ZNF385D: variants seen among roughly 807,000 people sequenced by gnomAD.
The protein encoded by ZNF385D is zinc finger protein 659.
A neutral mutation model predicts 35.8 loss-of-function variants in ZNF385D; 15 were observed. The observed-to-expected ratio is 0.42, with a 90% CI of 0.28 to 0.64. ZNF385D has a LOEUF of 0.64. ZNF385D is among the 30% of genes least tolerant of loss of function. The probability of loss-of-function intolerance (pLI) is 0.23; values close to 1 mark genes in which losing one functional copy is unlikely to be tolerated. For synonymous variants in ZNF385D, 212 were observed against 186.8 expected, an observed-to-expected ratio of 1.13 and a Z score of -1.10; for missense variants, 474 against 494.6, an observed-to-expected ratio of 0.96 and a Z score of 0.39.
chr3:21,458,514 C>G (rs1702968342), intron 4 of ZNF385D, among the ~76,000 whole-genome samples: 1 of 151,210 alleles, frequency 6.6e-6, no homozygotes, highest in Non-Finnish European at 1.5e-5. Context: ...AAGACCATGT[C>G]TCTAGAAGAA....
intron 2 of ZNF385D, among the ~76,000 whole-genome samples, chr3:21,612,450 T>C (rs764394606): frequency 3.3e-5 from 5 of 151,918 alleles, no homozygotes; most frequent in Non-Finnish European, 7.4e-5. Flanking sequence ...ATCAGGGAGG[T>C]CATATAATTT....
At chr3:22,337,526 T>G (rs1167640070) in intron 2 of ZNF385D, among the ~76,000 whole-genome samples, 2 of 152,094 alleles carry the variant, frequency 1.3e-5, no homozygotes, top group Admixed American at 6.6e-5. Flanking sequence ...AGAGTGAGAC[T>G]CCTTTTCAAA....
intron 3 of ZNF385D, among the ~76,000 whole-genome samples, chr3:22,144,308 T>C (rs1329890846): frequency 6.6e-6 from 1 of 152,098 alleles, no homozygotes; most frequent in Non-Finnish European, 1.5e-5. Flanking sequence ...GCATGGGAGC[T>C]CACACCTGTA....
At chr3:22,104,771 A>T (rs1345089867) in intron 3 of ZNF385D, among the ~76,000 whole-genome samples, 1 of 152,148 alleles carries the variant, frequency 6.6e-6, no homozygotes, top group Admixed American at 6.5e-5. Flanking sequence ...CCTAGTAAAT[A>T]TGAATCATAT....
intron 4 of ZNF385D, among the ~76,000 whole-genome samples, chr3:21,487,922 G>C (rs1293821467): frequency 6.6e-6 from 1 of 152,128 alleles, no homozygotes; most frequent in African/African-American, 2.4e-5. Context: ...CTACAAATGT[G>C]TAAGCTATTG....
chr3:22,142,579 C>T (rs1576392694), intron 3 of ZNF385D, among the ~76,000 whole-genome samples: 2 of 151,902 alleles, frequency 1.3e-5, no homozygotes, highest in African/African-American at 2.4e-5. Flanking sequence ...TCCTCCTCTA[C>T]GGTGGTCTCC....
chr3:21,889,257 A>G (rs1559726345), intron 3 of ZNF385D, among the ~76,000 whole-genome samples: 1 of 152,178 alleles, frequency 6.6e-6, no homozygotes, highest in Non-Finnish European at 1.5e-5. Flanking sequence ...CACACATGAG[A>G]AACACAGCAG....
chr3:22,069,858 A>G (rs1164746241), intron 3 of ZNF385D, among the ~76,000 whole-genome samples: 1 of 152,168 alleles, frequency 6.6e-6, no homozygotes, highest in Non-Finnish European at 1.5e-5. Flanking sequence ...GTAGGCAGGT[A>G]CCTTCCTTTG....
intron 2 of ZNF385D, among the ~76,000 whole-genome samples, chr3:21,623,221 A>G (rs76114133): frequency 0.011 from 1,627 of 152,294 alleles, 32 homozygotes; most frequent in African/African-American, 0.037. Context: ...GCACTTATGC[A>G]TGGTATCTAG....
At chr3:21,644,663 C>G (rs1274293484) in intron 2 of ZNF385D, among the ~76,000 whole-genome samples, 1 of 151,982 alleles carries the variant, frequency 6.6e-6, no homozygotes, top group Non-Finnish European at 1.5e-5. Context: ...AGACTGAACA[C>G]AATTAAAATT....
At position 22,077,899 on chromosome 3, in the gene ZNF385D, A is replaced by G. The variant is rs1261759380; in HGVS notation, c.325+90918T>C. Among the ~76,000 whole-genome samples the G allele has an allele frequency of 1.3e-5, 2 of 152,010 alleles. 1 individual carries two copies. Among genetic ancestry groups the G allele is most frequent in the African/African-American group, 4.8e-5 (2 of 41,430 alleles). Reference sequence around the variant, plus strand: ...CCCACTCCACTTGTAGAAAATGCTCAATCACTCCATGTCTGATACCTGAAA... The same window carrying G: ...CCCACTCCACTTGTAGAAAATGCTCGATCACTCCATGTCTGATACCTGAAA... On this transcript the variant is annotated intron_variant, in intron 3 of 5. Transcript: ENST00000494108.
chr3:22,081,610 G>A (rs1330895758), intron 3 of ZNF385D, among the ~76,000 whole-genome samples: 1 of 152,132 alleles, frequency 6.6e-6, no homozygotes, highest in African/African-American at 2.4e-5. Flanking sequence ...AGTGTTGGCA[G>A]CCAACTGTTG....
chr3:21,604,187 A>G (rs889502188), intron 2 of ZNF385D, among the ~76,000 whole-genome samples: 4 of 152,208 alleles, frequency 2.6e-5, no homozygotes, highest in African/African-American at 9.6e-5. Context: ...GATAATACCA[A>G]TAGAGGGAAT....
intron 4 of ZNF385D, among the ~76,000 whole-genome samples, chr3:21,454,526 C>T (rs1377567326): frequency 6.6e-6 from 1 of 152,108 alleles, no homozygotes; most frequent in Non-Finnish European, 1.5e-5. Flanking sequence ...GCATTCCAAG[C>T]ATGCTCCCAC....
At chr3:22,201,804 T>C (rs1364256557) in intron 2 of ZNF385D, among the ~76,000 whole-genome samples, 1 of 151,310 alleles carries the variant, frequency 6.6e-6, no homozygotes, top group Admixed American at 6.6e-5. Context: ...TGTGTGTATA[T>C]ATATACATAT....
intron 1 of ZNF385D, among the ~76,000 whole-genome samples, chr3:21,715,850 A>G: frequency 6.6e-6 from 1 of 152,168 alleles, no homozygotes; most frequent in East Asian, 1.9e-4. Context: ...CGGACTCCAT[A>G]TATCTAATTG....
At chr3:22,187,022 G>C (rs989522836) in intron 2 of ZNF385D, among the ~76,000 whole-genome samples, 1 of 152,096 alleles carries the variant, frequency 6.6e-6, no homozygotes, top group Admixed American at 6.6e-5. Context: ...TCGCAGAGCT[G>C]GGTTTTGAAC....
intron 3 of ZNF385D, among the ~76,000 whole-genome samples, chr3:22,138,144 C>G (rs972611461): frequency 2.0e-5 from 3 of 152,018 alleles, no homozygotes; most frequent in Admixed American, 6.6e-5. Flanking sequence ...GAACTACAAA[C>G]CACTGCTCAA....
upstream of ZNF385D, among the ~76,000 whole-genome samples, chr3:21,752,324 C>G (rs2070141369): frequency 6.6e-6 from 1 of 151,984 alleles, no homozygotes. Context: ...AATTAAGAAC[C>G]AAATATAAAC....
Sources: allele counts gnomAD v4.1 joint callset (sites outside exome capture counted in the v4.1 genomes callset), GRCh38; gene constraint gnomAD v4.1.1; transcripts MANE v1.5; gene names NCBI Gene and HGNC (gene_info 2026-07-23, HGNC 2026-07-21).